Variants in SMYD3 observed in about 807,000 individuals in gnomAD.
SMYD3 encodes histone-lysine N-methyltransferase SMYD3.
In SMYD3, 36 loss-of-function variants were observed where a neutral mutation model predicts 57.7. That is an observed-to-expected ratio of 0.62 (90% CI 0.48 to 0.82). The LOEUF (loss-of-function observed/expected upper bound fraction) is 0.82, where lower values mean the gene tolerates loss of function less well. SMYD3 is among the 40% of genes least tolerant of loss of function. The pLI is 0.00. For synonymous variants in SMYD3, 211 were observed against 195.0 expected, an observed-to-expected ratio of 1.08 and a Z score of -0.68; for missense variants, 515 against 538.8, an observed-to-expected ratio of 0.96 and a Z score of 0.44.
At chr1:246,253,601 GTCTT>G (rs2063830344) in intron 5 of SMYD3, among the ~76,000 whole-genome samples, 4 of 152,190 alleles carry the variant, frequency 2.6e-5, no homozygotes, top group Non-Finnish European at 5.9e-5. Context: ...AGCATGGAAT[GTCTT>G]TCTACTTGTT....
chr1:245,817,046 C>T (rs965914788), intron 10 of SMYD3, among the ~76,000 whole-genome samples: 1 of 151,550 alleles, frequency 6.6e-6, no homozygotes, highest in South Asian at 2.1e-4. Flanking sequence ...GAGCCCACCA[C>T]AGCTCAAGGA....
chr1:246,344,807 T>G, intron 2 of SMYD3, among the ~76,000 whole-genome samples: 1 of 152,240 alleles, frequency 6.6e-6, no homozygotes, highest in Middle Eastern at 3.2e-3. Context: ...GTTTTAATTT[T>G]CATTTATCTG....
At chr1:246,031,320 A>C (rs1198973602) in intron 5 of SMYD3, among the ~76,000 whole-genome samples, 1 of 152,202 alleles carries the variant, frequency 6.6e-6, no homozygotes, top group Non-Finnish European at 1.5e-5. Flanking sequence ...CTGGAATCTT[A>C]TTTAGGTATT....
chr1:246,149,694 T>C (rs1408258116), intron 5 of SMYD3, among the ~76,000 whole-genome samples: 1 of 152,212 alleles, frequency 6.6e-6, no homozygotes, highest in Non-Finnish European at 1.5e-5. Flanking sequence ...AAAATTATTC[T>C]GGGTAGGAAC....
chr1:245,869,267 G>A (rs1280672961), intron 8 of SMYD3, among the ~76,000 whole-genome samples: 1 of 152,194 alleles, frequency 6.6e-6, no homozygotes, highest in Non-Finnish European at 1.5e-5. Context: ...CCTAGAAGCA[G>A]AAGGATTCCT....
At chr1:246,396,541 C>T (rs1480319613) in intron 1 of SMYD3, among the ~76,000 whole-genome samples, 3 of 152,164 alleles carry the variant, frequency 2.0e-5, no homozygotes, top group East Asian at 3.8e-4. Flanking sequence ...TATGCAACAT[C>T]GGTTTATTTT....
intron 5 of SMYD3, among the ~76,000 whole-genome samples, chr1:246,160,571 A>C (rs1220369230): frequency 6.6e-6 from 1 of 152,232 alleles, no homozygotes; most frequent in Non-Finnish European, 1.5e-5. Context: ...ATTGCTCTGC[A>C]TAATCAAGGA....
chr1:246,128,177 C>T (rs534106943), intron 5 of SMYD3, among the ~76,000 whole-genome samples: 1 of 152,270 alleles, frequency 6.6e-6, no homozygotes, highest in Non-Finnish European at 1.5e-5. Flanking sequence ...TCCACGAGGC[C>T]TAATGTGACT....
intron 5 of SMYD3, chr1:246,052,428 A>C (rs1049254822): frequency 6.6e-6 from 1 of 151,328 alleles, no homozygotes; most frequent in African/African-American, 2.4e-5. Flanking sequence ...AGATAACAGG[A>C]AAAAAAAACC....
chr1:246,170,205 A>C (rs1480723932), intron 5 of SMYD3, among the ~76,000 whole-genome samples: 5 of 152,090 alleles, frequency 3.3e-5, no homozygotes, highest in Admixed American at 1.3e-4. Flanking sequence ...CCTAAAATGA[A>C]GAATTTAACA....
intron 5 of SMYD3, among the ~76,000 whole-genome samples, chr1:246,313,863 T>C (rs752684613): frequency 2.0e-5 from 3 of 152,284 alleles, no homozygotes; most frequent in African/African-American, 7.2e-5. Context: ...TATAGAATCA[T>C]AGGGAAAAGC....
intron 5 of SMYD3, among the ~76,000 whole-genome samples, chr1:246,092,504 A>G (rs900452096): frequency 5.9e-5 from 9 of 152,182 alleles, no homozygotes; most frequent in African/African-American, 2.2e-4. Context: ...AAGAACATAC[A>G]TTGGGGTAAG....
chr1:246,177,587 G>A (rs1395397544), intron 5 of SMYD3, among the ~76,000 whole-genome samples: 1 of 152,112 alleles, frequency 6.6e-6, no homozygotes, highest in East Asian at 1.9e-4. Context: ...AAGAACAAAG[G>A]TAGGTATATT....
intron 5 of SMYD3, among the ~76,000 whole-genome samples, chr1:246,160,289 A>G (rs901824284): frequency 6.6e-6 from 1 of 152,212 alleles, no homozygotes; most frequent in African/African-American, 2.4e-5. Context: ...AGAGAACTCT[A>G]TGTCTTTCTT....
intron 8 of SMYD3, among the ~76,000 whole-genome samples, chr1:245,880,906 T>C (rs1242090423): frequency 6.6e-6 from 1 of 152,174 alleles, no homozygotes; most frequent in Non-Finnish European, 1.5e-5. Context: ...GAGTGGAACA[T>C]TGTGCTCAAA....
chr1:245,856,756 G>A (rs770423338), intron 10 of SMYD3, among the ~76,000 whole-genome samples: 42 of 152,298 alleles, frequency 2.8e-4, no homozygotes, highest in Middle Eastern at 3.4e-3. Flanking sequence ...CCTGAGTGTC[G>A]AAAGGGAGGA....
intron 1 of SMYD3, among the ~76,000 whole-genome samples, chr1:246,370,353 C>T (rs1408415976): frequency 2.0e-5 from 3 of 152,094 alleles, no homozygotes; most frequent in African/African-American, 7.2e-5. Context: ...TATACAGGAC[C>T]CCAGTTCAGG....
chr1:246,236,900 A>G (rs1439931673), intron 5 of SMYD3, among the ~76,000 whole-genome samples: 4 of 152,172 alleles, frequency 2.6e-5, no homozygotes, highest in Non-Finnish European at 5.9e-5. Flanking sequence ...TGGGAATACT[A>G]TGGCCAAACC....
At chr1:246,385,134 T>C (rs2066453171) in intron 1 of SMYD3, among the ~76,000 whole-genome samples, 1 of 152,170 alleles carries the variant, frequency 6.6e-6, no homozygotes, top group Non-Finnish European at 1.5e-5. Context: ...ATATTGAAAA[T>C]TTATCTTTTG....
Sources: gnomAD v4.1 joint callset for allele counts (sites outside exome capture counted in the v4.1 genomes callset) on GRCh38, gnomAD v4.1.1 for gene constraint, MANE v1.5 for transcripts, NCBI Gene and HGNC (gene_info 2026-07-23, HGNC 2026-07-21) for gene names.